The following CSMD1 variants were observed in gnomAD, a reference collection of about 807,000 sequenced individuals.
CSMD1 encodes CUB and Sushi multiple domains 1, also known as CUB and sushi domain-containing protein 1.
In CSMD1, 213 loss-of-function variants were observed where a neutral mutation model predicts 417.5. That is an observed-to-expected ratio of 0.51 (90% confidence interval 0.46 to 0.57). The LOEUF is 0.57. Ranked by LOEUF, CSMD1 falls within the 20% of genes least tolerant of loss-of-function variation. CSMD1 has a pLI of 0.00. For missense variants in CSMD1, 6,923 were observed against 4,529.7 expected, an observed-to-expected ratio of 1.53 and a Z score of -15.17; for synonymous variants, 2,862 against 1,736.8, an observed-to-expected ratio of 1.65 and a Z score of -16.11.
chr8:4,381,326 A>G (rs770667147), intron 3 of CSMD1, among the ~76,000 whole-genome samples: 6 of 152,170 alleles, frequency 3.9e-5, no homozygotes, highest in Non-Finnish European at 7.3e-5. Context: ...CTGGCTATTC[A>G]TTCCCAACAC....
chr8:4,430,072 A>C (rs1797785681), intron 2 of CSMD1, among the ~76,000 whole-genome samples: 1 of 152,212 alleles, frequency 6.6e-6, no homozygotes, highest in African/African-American at 2.4e-5. Context: ...ATAAAAGCAG[A>C]AACAAAACTT....
At chr8:3,896,631 C>T (rs1401755017) in intron 5 of CSMD1, among the ~76,000 whole-genome samples, 4 of 152,048 alleles carry the variant, frequency 2.6e-5, no homozygotes. Context: ...CCTGCCTCAG[C>T]CTCCCGAGTA....
chr8:3,958,876 G>C (rs954397754), intron 5 of CSMD1, among the ~76,000 whole-genome samples: 7 of 152,188 alleles, frequency 4.6e-5, no homozygotes, highest in Admixed American at 1.3e-4. Context: ...AATGGAAAAA[G>C]AGAACAGATA....
chr8:4,101,913 G>A (rs758928407), intron 3 of CSMD1, among the ~76,000 whole-genome samples: 1 of 152,154 alleles, frequency 6.6e-6, no homozygotes, highest in Non-Finnish European at 1.5e-5. Context: ...ATAATGTACA[G>A]CATTTTCCCA....
chr8:4,053,008 A>C (rs750047349), intron 3 of CSMD1, among the ~76,000 whole-genome samples: 6 of 152,174 alleles, frequency 3.9e-5, no homozygotes, highest in Admixed American at 1.3e-4. Flanking sequence ...AAGTGGCCTT[A>C]TACTTTAGCA....
chr8:3,754,629 A>AT (rs1797552998), intron 5 of CSMD1, among the ~76,000 whole-genome samples: 1 of 151,918 alleles, frequency 6.6e-6, no homozygotes, highest in Admixed American at 6.6e-5. Context: ...TACTTTTTAT[A>AT]TTTTTACTAG....
chr8:4,039,787 G>C (rs567402266), intron 3 of CSMD1, among the ~76,000 whole-genome samples: 1 of 152,300 alleles, frequency 6.6e-6, no homozygotes, highest in Admixed American at 6.5e-5. Flanking sequence ...TTATAGAAAA[G>C]TATATGGCAC....
chr8:4,146,815 T>G (rs1457726349), intron 3 of CSMD1, among the ~76,000 whole-genome samples: 1 of 149,538 alleles, frequency 6.7e-6, no homozygotes, highest in Non-Finnish European at 1.5e-5. Flanking sequence ...TTTCACCGTG[T>G]TAGGCAGGAT....
At chr8:4,352,927 A>C (rs773310042) in intron 3 of CSMD1, among the ~76,000 whole-genome samples, 3 of 152,256 alleles carry the variant, frequency 2.0e-5, no homozygotes, top group Non-Finnish European at 4.4e-5. Context: ...CAAAATATTT[A>C]TAAGTAAATA....
intron 1 of CSMD1, among the ~76,000 whole-genome samples, chr8:4,701,962 C>T (rs1807586576): frequency 1.3e-5 from 2 of 152,140 alleles, no homozygotes; most frequent in Admixed American, 1.3e-4. Context: ...TTTGCAGGGG[C>T]ATGGATGGAG....
At chr8:3,528,629 A>C (rs1400085160) in intron 10 of CSMD1, among the ~76,000 whole-genome samples, 1 of 152,202 alleles carries the variant, frequency 6.6e-6, no homozygotes, top group African/African-American at 2.4e-5. Flanking sequence ...ATATTAACTG[A>C]CTAATTAAAT....
intron 2 of CSMD1, among the ~76,000 whole-genome samples, chr8:4,481,556 G>C (rs1231766380): frequency 6.6e-6 from 1 of 152,008 alleles, no homozygotes; most frequent in Non-Finnish European, 1.5e-5. Flanking sequence ...TTTTTATTTG[G>C]TGACGGACTA....
rs199952008 is a variant in CSMD1, at chr8:3,415,351, A to AC, written c.1562-5747_1562-5746insG. ...GTTGTATAAGAGATCCCTTGAACTTATTTACATGTTGCATTTATTTATTTG... is the reference window on the plus strand; with the variant it reads ...GTTGTATAAGAGATCCCTTGAACTTACTTTACATGTTGCATTTATTTATTTG... On this transcript the variant is annotated intron_variant, in intron 12 of 69. Coordinates refer to ENST00000635120, the MANE Select transcript of CSMD1 (RefSeq NM_033225.6). Among the ~76,000 whole-genome samples the AC allele has an allele frequency of 3.9e-3, 586 of 152,190 alleles. 3 individuals carry two copies. Among genetic ancestry groups the AC allele is most frequent in the African/African-American group, 0.013 (541 of 41,520 alleles).
intron 25 of CSMD1, among the ~76,000 whole-genome samples, chr8:3,295,207 C>A (rs1695320596): frequency 1.3e-5 from 2 of 152,062 alleles, no homozygotes; most frequent in African/African-American, 2.4e-5. Flanking sequence ...TCACTGGAAG[C>A]TCTGCCACCC....
chr8:4,466,979 C>T (rs889171348), intron 2 of CSMD1, among the ~76,000 whole-genome samples: 2 of 151,928 alleles, frequency 1.3e-5, no homozygotes, highest in African/African-American at 4.8e-5. Context: ...TAAGGAAATG[C>T]TCAGCTGTGG....
intron 5 of CSMD1, among the ~76,000 whole-genome samples, chr8:3,992,402 G>A (rs992910174): frequency 2.6e-5 from 4 of 152,134 alleles, no homozygotes; most frequent in African/African-American, 9.7e-5. Context: ...TCTAATCAGT[G>A]ATTGGCTGAA....
chr8:4,328,400 T>G (rs765856885), intron 3 of CSMD1, among the ~76,000 whole-genome samples: 1 of 152,068 alleles, frequency 6.6e-6, no homozygotes, highest in Non-Finnish European at 1.5e-5. Flanking sequence ...TACTTCTGGT[T>G]TCTACTTTTG....
intron 11 of CSMD1, among the ~76,000 whole-genome samples, chr8:3,493,315 G>GAA (rs1563090576): frequency 6.9e-4 from 102 of 148,162 alleles, no homozygotes; most frequent in African/African-American, 1.3e-3. Context: ...AAAAAAAAGG[G>GAA]GGGGCGGAGG....
chr8:4,578,620 G>T (rs1415912615), intron 2 of CSMD1, among the ~76,000 whole-genome samples: 2 of 151,136 alleles, frequency 1.3e-5, no homozygotes, highest in South Asian at 2.1e-4. Flanking sequence ...TTCAAGATCA[G>T]CCTGGCCAAC....
Sources: allele counts gnomAD v4.1 joint callset (sites outside exome capture counted in the v4.1 genomes callset), GRCh38; gene constraint gnomAD v4.1.1; transcripts MANE v1.5; gene names NCBI Gene and HGNC (gene_info 2026-07-23, HGNC 2026-07-21).